The following KCNH1 variants were observed in gnomAD, a reference collection of about 807,000 sequenced individuals.
KCNH1 encodes potassium voltage-gated channel subfamily H member 1, also known as voltage-gated delayed rectifier potassium channel KCNH1.
In KCNH1, 27 loss-of-function variants were observed where a neutral mutation model predicts 69.2. The ratio of observed to expected loss-of-function variants is 0.39; its 90% CI spans 0.29 to 0.54. The LOEUF (loss-of-function observed/expected upper bound fraction) is 0.54. KCNH1 is among the 20% of genes least tolerant of loss of function. The pLI, the probability that KCNH1 is intolerant of heterozygous loss-of-function variation, is 0.68. For missense variants in KCNH1, 798 were observed against 1,261.6 expected (o/e 0.63, Z 5.57); for synonymous variants, 456 against 487.7 (o/e 0.93, Z 0.86).
intron 5 of KCNH1, among the ~76,000 whole-genome samples, chr1:211,041,001 A>G (rs1181421611): frequency 1.3e-5 from 2 of 152,056 alleles, no homozygotes; most frequent in East Asian, 1.9e-4. Flanking sequence ...TTTTCTTCCC[A>G]TCAACCTCTC....
At chr1:211,004,653 T>C (rs1201541389) in intron 6 of KCNH1, among the ~76,000 whole-genome samples, 5 of 152,004 alleles carry the variant, frequency 3.3e-5, no homozygotes, top group Admixed American at 6.5e-5. Flanking sequence ...AACTAAGATA[T>C]CACATCAAAT....
intron 5 of KCNH1, among the ~76,000 whole-genome samples, chr1:211,037,484 A>G (rs569931805): frequency 6.8e-6 from 1 of 146,332 alleles, no homozygotes; most frequent in African/African-American, 2.6e-5. Flanking sequence ...CAGTTTCCTA[A>G]TTCAGTGCTT....
chr1:210,740,663 C>T (rs1368535126), intron 10 of KCNH1, among the ~76,000 whole-genome samples: 1 of 151,048 alleles, frequency 6.6e-6, no homozygotes, highest in Non-Finnish European at 1.5e-5. Flanking sequence ...TCTCTTTCCC[C>T]CAACTTTGAG....
chr1:210,934,758 GCTA>G (rs1687745931), intron 6 of KCNH1, among the ~76,000 whole-genome samples: 1 of 151,858 alleles, frequency 6.6e-6, no homozygotes, highest in East Asian at 1.9e-4. Flanking sequence ...AGTTAGAATG[GCTA>G]CTATCAAAAA....
rs1001378393 is a variant in KCNH1, at chr1:211,108,962, A to C, written c.80-1585T>G. ...AAGGAACTTAGCAAGACAAATAGAT[A>C]TGTCCACAACTAACTAAAGAAACAG... On this transcript the variant is annotated intron_variant, in intron 1 of 10. Coordinates refer to ENST00000271751, the MANE Select transcript of KCNH1 (RefSeq NM_172362.3). 3.9e-5 allele frequency among the ~76,000 whole-genome samples: 6 copies of C among 152,180 alleles called. No individual in the cohort carries two copies. In the South Asian group the frequency reaches 8.3e-4, roughly 21 times the overall value.
At chr1:210,853,953 A>AAAAAAAAAAAAC (rs1685769130) in intron 7 of KCNH1, among the ~76,000 whole-genome samples, 2 of 141,110 alleles carry the variant, frequency 1.4e-5, no homozygotes, top group Non-Finnish European at 3.0e-5. Context: ...AGCCAAAAAA[A>AAAAAAAAAAAAC]AAAAAAAAAA....
intron 1 of KCNH1, among the ~76,000 whole-genome samples, chr1:211,119,142 C>T (rs998832190): frequency 1.3e-5 from 2 of 152,110 alleles, no homozygotes; most frequent in African/African-American, 2.4e-5. Flanking sequence ...AGGCAGATCA[C>T]GAGGTCAGGT....
intron 10 of KCNH1, among the ~76,000 whole-genome samples, chr1:210,767,307 T>C (rs1574243918): frequency 6.6e-6 from 1 of 152,066 alleles, no homozygotes; most frequent in East Asian, 1.9e-4. Context: ...TTGTAAGAGG[T>C]GGGAGGGGAG....
chr1:210,887,208 C>T (rs200921995), intron 7 of KCNH1, among the ~76,000 whole-genome samples: 5 of 152,256 alleles, frequency 3.3e-5, no homozygotes, highest in Middle Eastern at 3.4e-3. Flanking sequence ...TCAGCAGAAA[C>T]ATACAAGCTA....
chr1:211,086,810 G>C (rs528726796), intron 4 of KCNH1, among the ~76,000 whole-genome samples: 12 of 152,196 alleles, frequency 7.9e-5, no homozygotes, highest in Admixed American at 1.3e-4. Context: ...ACAGAGGCCA[G>C]CCTTGTCCTG....
At chr1:210,767,928 C>G (rs1379257997) in intron 10 of KCNH1, among the ~76,000 whole-genome samples, 1 of 152,196 alleles carries the variant, frequency 6.6e-6, no homozygotes, top group Non-Finnish European at 1.5e-5. Context: ...ACATCTGACT[C>G]TACCATTCCC....
chr1:210,998,473 A>AGT (rs1232036676), intron 6 of KCNH1, among the ~76,000 whole-genome samples: 10 of 152,246 alleles, frequency 6.6e-5, no homozygotes, highest in Non-Finnish European at 1.3e-4. Context: ...TATCCTAAAT[A>AGT]TATATGCATC....
At chr1:210,993,243 T>C (rs998997634) in intron 6 of KCNH1, among the ~76,000 whole-genome samples, 2 of 152,360 alleles carry the variant, frequency 1.3e-5, no homozygotes, top group South Asian at 2.1e-4. Flanking sequence ...GTGGGAGAGA[T>C]GATGTTTCCA....
At chr1:210,898,587 T>C (rs1686921505) in intron 7 of KCNH1, among the ~76,000 whole-genome samples, 2 of 151,930 alleles carry the variant, frequency 1.3e-5, no homozygotes, top group African/African-American at 4.8e-5. Context: ...AACTCACTGC[T>C]GAGCACCCAC....
intron 10 of KCNH1, among the ~76,000 whole-genome samples, chr1:210,699,800 T>C (rs1890842): frequency 0.15 from 23,526 of 152,142 alleles, 4,693 homozygotes; most frequent in African/African-American, 0.45. Flanking sequence ...GCACTTGGGT[T>C]ACTATTATTT....
chr1:210,878,487 G>C (rs1431890170), intron 7 of KCNH1, among the ~76,000 whole-genome samples: 2 of 152,012 alleles, frequency 1.3e-5, no homozygotes, highest in African/African-American at 4.8e-5. Context: ...GAAATCAACA[G>C]AAACATAGCT....
intron 10 of KCNH1, among the ~76,000 whole-genome samples, chr1:210,714,127 C>T (rs989897551): frequency 6.6e-6 from 1 of 152,144 alleles, no homozygotes; most frequent in African/African-American, 2.4e-5. Flanking sequence ...AGAGAGGCAA[C>T]TGGGGTCACA....
chr1:211,089,808 G>A (rs774289956), intron 4 of KCNH1, among the ~76,000 whole-genome samples: 37 of 152,152 alleles, frequency 2.4e-4, no homozygotes, highest in Non-Finnish European at 1.6e-4. Context: ...AGCTATGAAC[G>A]AGGGATGTGA....
At chr1:211,039,162 T>A (rs1216679540) in intron 5 of KCNH1, among the ~76,000 whole-genome samples, 1 of 152,196 alleles carries the variant, frequency 6.6e-6, no homozygotes, top group Admixed American at 6.5e-5. Context: ...GGGGCCAACA[T>A]ACACCTCAGA....
Sources: gnomAD v4.1 joint callset for allele counts (sites outside exome capture counted in the v4.1 genomes callset) on GRCh38, gnomAD v4.1.1 for gene constraint, MANE v1.5 for transcripts, NCBI Gene and HGNC (gene_info 2026-07-23, HGNC 2026-07-21) for gene names.